TENT5D: variants seen among roughly 807,000 people sequenced by gnomAD.
TENT5D encodes the protein cancer/testis antigen 112.
For missense variants in TENT5D, 191 were observed against 287.0 expected (o/e 0.67, Z 2.42); for synonymous variants, 103 against 100.6 (o/e 1.02, Z -0.15).
chrX:80,356,098 G>GCTCTAGCTATTCCTTTTATTCAGCTCT (rs1274910507), intron 3 of TENT5D, among the ~76,000 whole-genome samples: 1 of 111,878 alleles, frequency 8.9e-6, no homozygotes, highest in Non-Finnish European at 1.9e-5. Context: ...TTTTATATTA[G>GCTCTAGCTATTCCTTTTATTCAGCTCT]AGCTATTCCT....
chrX:80,374,561 A>G (rs1200507219), intron 3 of TENT5D, among the ~76,000 whole-genome samples: 1 of 109,835 alleles, frequency 9.1e-6, no homozygotes, highest in Non-Finnish European at 1.9e-5. Context: ...ATGGTATTTC[A>G]TTGTGGTTTT....
chrX:80,380,131 T>C (rs1449402479), intron 3 of TENT5D, among the ~76,000 whole-genome samples: 1 of 109,207 alleles, frequency 9.2e-6, no homozygotes, highest in African/African-American at 3.3e-5. Context: ...GTGCTTTAAA[T>C]GTGTCCCAGA....
At chrX:80,415,889 A>C (rs1461463040), upstream of TENT5D, among the ~76,000 whole-genome samples, 1 of 111,592 alleles carries the variant, frequency 9.0e-6, no homozygotes, top group Admixed American at 9.6e-5. Context: ...TTCCTTATAC[A>C]TTTGATAAAA....
At chrX:80,366,232 T>TGTGTGTGTGC (rs1346744606) in intron 3 of TENT5D, among the ~76,000 whole-genome samples, 1 of 109,933 alleles carries the variant, frequency 9.1e-6, no homozygotes, top group Admixed American at 9.9e-5. Context: ...TGTGTGTGTG[T>TGTGTGTGTGC]GTGTGTGTTC....
intron 1 of TENT5D, among the ~76,000 whole-genome samples, chrX:80,421,237 G>A (rs750124664): frequency 8.9e-6 from 1 of 111,798 alleles, no homozygotes; most frequent in South Asian, 3.7e-4. Context: ...CTAGGCTAGA[G>A]TGCAGTGGCA....
At chrX:80,342,775 ATAAT>A (rs1929983872) in intron 3 of TENT5D, among the ~76,000 whole-genome samples, 1 of 112,043 alleles carries the variant, frequency 8.9e-6, no homozygotes, top group Non-Finnish European at 1.9e-5. Flanking sequence ...ATGTTAATAA[ATAAT>A]GTATGATTTC....
chrX:80,435,711 C>A (rs1237224496), intron 1 of TENT5D, among the ~76,000 whole-genome samples: 2 of 112,139 alleles, frequency 1.8e-5, no homozygotes, highest in African/African-American at 6.5e-5. Flanking sequence ...GTCTACAGAG[C>A]TTAATGTTAA....
At chrX:80,360,359 A>C (rs1930381766) in intron 3 of TENT5D, among the ~76,000 whole-genome samples, 1 of 111,885 alleles carries the variant, frequency 8.9e-6, no homozygotes, top group African/African-American at 3.2e-5. Flanking sequence ...ATAACATATA[A>C]CCCAATTTAG....
chrX:80,371,506 A>G (rs1930624214), intron 3 of TENT5D, among the ~76,000 whole-genome samples: 1 of 111,947 alleles, frequency 8.9e-6, no homozygotes, highest in Admixed American at 9.5e-5. Context: ...TCTTCTTCCA[A>G]TAGAAGGCTT....
At position 80,353,635 on chromosome X, in the gene TENT5D, T is replaced by C. The variant is rs183835722; in HGVS notation, c.-142+11071T>C. Among the ~76,000 whole-genome samples the C allele has an allele frequency of 7.3e-3, 827 of 112,551 alleles. 7 individuals carry two copies. Among genetic ancestry groups the C allele is most frequent in the African/African-American group, 0.024 (753 of 31,004 alleles). On this transcript the variant is annotated intron_variant, in intron 3 of 4. Transcript: ENST00000538312. ...TCATTCTTTTTATGGCTGCATAGTA[T>C]TCCATGGTGTGTGTGTACCCCATTT...
At chrX:80,336,560 G>A (rs778881837) in intron 2 of TENT5D, among the ~76,000 whole-genome samples, 1 of 108,053 alleles carries the variant, frequency 9.3e-6, no homozygotes, top group East Asian at 2.9e-4. Context: ...ATAAACAGTT[G>A]TATTTCGCTG....
At chrX:80,389,819 A>G (rs142650654) in intron 3 of TENT5D, among the ~76,000 whole-genome samples, 1 of 112,301 alleles carries the variant, frequency 8.9e-6, no homozygotes, top group Non-Finnish European at 1.9e-5. Flanking sequence ...AGCTTACTTT[A>G]CAAAGAGTAT....
intron 3 of TENT5D, among the ~76,000 whole-genome samples, chrX:80,402,828 G>T (rs1320433024): frequency 5.4e-5 from 6 of 111,997 alleles, no homozygotes; most frequent in Non-Finnish European, 1.1e-4. Context: ...AGAATATTAT[G>T]TGTGTACTTA....
chrX:80,409,915 C>A (rs1366266830), intron 3 of TENT5D, among the ~76,000 whole-genome samples: 7 of 107,857 alleles, frequency 6.5e-5, no homozygotes, highest in Non-Finnish European at 1.3e-4. Context: ...ATCAATGGAA[C>A]AGAACAGAGC....
intron 3 of TENT5D, among the ~76,000 whole-genome samples, chrX:80,397,946 AGAGGGC>A (rs1217904568): frequency 3.6e-5 from 4 of 110,631 alleles, no homozygotes; most frequent in Non-Finnish European, 7.6e-5. Context: ...AGACCGTGGG[AGAGGGC>A]GAGGGAGGGA....
intron 3 of TENT5D, among the ~76,000 whole-genome samples, chrX:80,351,841 G>T (rs939483588): frequency 8.9e-6 from 1 of 111,794 alleles, no homozygotes; most frequent in Admixed American, 9.5e-5. Flanking sequence ...CTGTGTGGGG[G>T]TTCTTTTTGT....
chrX:80,378,898 A>G (rs1377167475), intron 3 of TENT5D, among the ~76,000 whole-genome samples: 2 of 109,465 alleles, frequency 1.8e-5, no homozygotes, highest in South Asian at 8.2e-4. Flanking sequence ...AACTTCCAAC[A>G]CTATGTTGAA....
intron 3 of TENT5D, among the ~76,000 whole-genome samples, chrX:80,395,856 C>G (rs1931229831): frequency 9.5e-6 from 1 of 104,790 alleles, no homozygotes; most frequent in African/African-American, 3.5e-5. Context: ...TCACTTCCCC[C>G]TACTCTTCCC....
intron 3 of TENT5D, among the ~76,000 whole-genome samples, chrX:80,354,272 A>C (rs1357341708): frequency 1.8e-5 from 2 of 111,648 alleles, no homozygotes; most frequent in African/African-American, 6.5e-5. Context: ...ATTTTTGTGG[A>C]CAATATCCTC....
Sources: allele counts gnomAD v4.1 joint callset (sites outside exome capture counted in the v4.1 genomes callset), GRCh38; gene constraint gnomAD v4.1.1; transcripts MANE v1.5; gene names NCBI Gene and HGNC (gene_info 2026-07-23, HGNC 2026-07-21).